Variants in HYCC1 observed in about 807,000 individuals in gnomAD.
HYCC1 encodes hyccin PI4KA lipid kinase complex subunit 1.
chr7:22,914,469 A>AT, the HYCC1 span, among the ~76,000 whole-genome samples: 28 of 147,890 alleles, frequency 1.9e-4, no homozygotes, highest in East Asian at 2.0e-3. Context: ...AAACCTAAGC[A>AT]TTTTTTTTTT....
the HYCC1 span, among the ~76,000 whole-genome samples, chr7:22,950,870 G>A: frequency 6.6e-6 from 1 of 150,834 alleles, no homozygotes; most frequent in Non-Finnish European, 1.5e-5. Flanking sequence ...TGCAAATGGA[G>A]TCATGATTAA....
the HYCC1 span, among the ~76,000 whole-genome samples, chr7:22,925,124 G>C: frequency 6.6e-6 from 1 of 152,114 alleles, no homozygotes; most frequent in Non-Finnish European, 1.5e-5. Context: ...TGAGGGTCCT[G>C]ACTGTTAGAA....
chr7:22,976,090 T>A, the HYCC1 span: 1 of 718,572 alleles, frequency 1.4e-6, no homozygotes, highest in Admixed American at 2.2e-5. Flanking sequence ...AGCTTTACAT[T>A]AACTTATTTA....
chr7:22,920,780 G>C, the HYCC1 span, among the ~76,000 whole-genome samples: 4 of 152,178 alleles, frequency 2.6e-5, no homozygotes, highest in South Asian at 6.2e-4. Context: ...TACAAATCTC[G>C]TGTTGAAATG....
chr7:22,960,997 G>A, the HYCC1 span, among the ~76,000 whole-genome samples: 1 of 152,338 alleles, frequency 6.6e-6, no homozygotes, highest in African/African-American at 2.4e-5. Context: ...GTTGCGGAGA[G>A]CCGAGATCGT....
the HYCC1 span, chr7:22,960,501 A>G: frequency 9.4e-7 from 1 of 1,062,694 alleles, no homozygotes; most frequent in Non-Finnish European, 1.4e-6. Flanking sequence ...ATGATGCTAA[A>G]CAGGCTTATA....
chr7:22,914,673 G>A, the HYCC1 span, among the ~76,000 whole-genome samples: 35 of 151,948 alleles, frequency 2.3e-4, no homozygotes, highest in Non-Finnish European at 3.7e-4. Flanking sequence ...AATGCAACTC[G>A]TCCCAAATCT....
the HYCC1 span, chr7:22,937,719 T>A: frequency 6.6e-6 from 1 of 152,224 alleles, no homozygotes; most frequent in Non-Finnish European, 1.5e-5. Flanking sequence ...ATGTATTAGT[T>A]ATATTATATT....
the HYCC1 span, chr7:22,976,382 C>A: frequency 3.0e-6 from 3 of 986,640 alleles, no homozygotes; most frequent in Admixed American, 1.8e-5. Context: ...GAGAGCACTC[C>A]TTGGGGAGAG....
chr7:22,996,593 T>C, the HYCC1 span, among the ~76,000 whole-genome samples: 2 of 60,966 alleles, frequency 3.3e-5, no homozygotes, highest in South Asian at 5.3e-4. Context: ...TACAGTACAA[T>C]TGTTAAAAAA....
the HYCC1 span, chr7:22,978,535 G>C: frequency 1.8e-6 from 2 of 1,113,794 alleles, no homozygotes; most frequent in Admixed American, 2.0e-5. Flanking sequence ...TTCTCAGATT[G>C]GTAAAAATCA....
the HYCC1 span, among the ~76,000 whole-genome samples, chr7:22,928,799 C>A: frequency 2.6e-5 from 4 of 151,290 alleles, no homozygotes; most frequent in African/African-American, 4.9e-5. Flanking sequence ...CCCCATCAAG[C>A]TACCAATGAC....
the HYCC1 span, among the ~76,000 whole-genome samples, chr7:22,927,112 T>G: frequency 2.0e-5 from 3 of 152,048 alleles, no homozygotes; most frequent in Non-Finnish European, 4.4e-5. Flanking sequence ...AAGGCAGAAA[T>G]AAAGATGTTC....
the HYCC1 span, among the ~76,000 whole-genome samples, chr7:22,951,673 GTTA>G: frequency 1.3e-5 from 2 of 151,768 alleles, no homozygotes; most frequent in Admixed American, 6.6e-5. Context: ...TCCTTACAGT[GTTA>G]TTTATAATAG....
chr7:22,908,370 TTG>T, the HYCC1 span, among the ~76,000 whole-genome samples: 1 of 152,248 alleles, frequency 6.6e-6, no homozygotes, highest in East Asian at 1.9e-4. Context: ...TATGGCACTG[TTG>T]TGAAACACAT....
the HYCC1 span, among the ~76,000 whole-genome samples, chr7:22,951,728 T>C: frequency 6.6e-6 from 1 of 151,902 alleles, no homozygotes; most frequent in Non-Finnish European, 1.5e-5. Context: ...AGAAGAATGA[T>C]TAAGCAAATG....
the HYCC1 span, among the ~76,000 whole-genome samples, chr7:22,962,578 GAAA>G: frequency 7.3e-6 from 1 of 137,294 alleles, no homozygotes; most frequent in Non-Finnish European, 1.6e-5. Flanking sequence ...CTGAGGGTAA[GAAA>G]AAAAAAAAAA....
At chr7:22,907,104 C>CAAAAAAAA in the HYCC1 span, among the ~76,000 whole-genome samples, 106 of 43,542 alleles carry the variant, frequency 2.4e-3, 8 homozygotes, top group East Asian at 3.4e-3. Flanking sequence ...GACTCTATCT[C>CAAAAAAAA]AAAAAAAAAA....
the HYCC1 span, among the ~76,000 whole-genome samples, chr7:22,979,333 G>A: frequency 6.6e-6 from 1 of 152,130 alleles, no homozygotes; most frequent in Admixed American, 6.6e-5. Context: ...CTTTCCTATT[G>A]AAAAATTACC....
Sources: gnomAD v4.1 joint callset for allele counts (sites outside exome capture counted in the v4.1 genomes callset) on GRCh38, gnomAD v4.1.1 for gene constraint, MANE v1.5 for transcripts, NCBI Gene and HGNC (gene_info 2026-07-23, HGNC 2026-07-21) for gene names.